Variants in MAP4 observed in about 807,000 individuals in gnomAD.
The protein encoded by MAP4 is microtubule-associated protein 4.
In MAP4, 76 loss-of-function variants were observed where a neutral mutation model predicts 170.2. The ratio of observed to expected loss-of-function variants is 0.45; its 90% confidence interval spans 0.37 to 0.54. The LOEUF is 0.54. Among genes scored for constraint, MAP4 ranks in the 20% least tolerant of loss-of-function variants. The pLI is 0.00. For missense variants in MAP4, 2,506 were observed against 2,748.0 expected (o/e 0.91, Z 1.97); for synonymous variants, 909 against 994.5 (o/e 0.91, Z 1.62).
chr3:48,073,516 C>A (rs972902553), intron 1 of MAP4, among the ~76,000 whole-genome samples: 1 of 151,398 alleles, frequency 6.6e-6, no homozygotes, highest in African/African-American at 2.4e-5. Context: ...GAGGCTGAGG[C>A]AGGAGAATCG....
intron 10 of MAP4, among the ~76,000 whole-genome samples, chr3:47,889,869 T>G (rs574621200): frequency 6.6e-6 from 1 of 151,988 alleles, no homozygotes; most frequent in East Asian, 1.9e-4. Context: ...CTATTAAGCT[T>G]CTTTGCCTCC....
intron 1 of MAP4, among the ~76,000 whole-genome samples, chr3:48,050,276 A>T (rs1461684171): frequency 6.9e-6 from 1 of 145,296 alleles, no homozygotes; most frequent in Non-Finnish European, 1.5e-5. Flanking sequence ...AAAAAAAAAT[A>T]GTAAAGTCAA....
At chr3:47,985,851 T>C (rs2100088320) in intron 2 of MAP4, among the ~76,000 whole-genome samples, 1 of 152,340 alleles carries the variant, frequency 6.6e-6, no homozygotes, top group South Asian at 2.1e-4. Context: ...GGACAACTGA[T>C]GACAATGAAA....
At chr3:48,037,608 T>G (rs2100119378) in intron 1 of MAP4, among the ~76,000 whole-genome samples, 6 of 152,016 alleles carry the variant, frequency 3.9e-5, no homozygotes, top group Admixed American at 3.9e-4. Context: ...TTGCCCAGGC[T>G]GGTCTCAAAC....
chr3:47,948,927 T>C (rs2100061880), intron 3 of MAP4, among the ~76,000 whole-genome samples: 1 of 152,102 alleles, frequency 6.6e-6, no homozygotes, highest in Non-Finnish European at 1.5e-5. Flanking sequence ...GGCCGATCAA[T>C]TTTCTTAAAC....
chr3:47,948,614 G>C (rs1048541962), intron 3 of MAP4, among the ~76,000 whole-genome samples: 1 of 151,358 alleles, frequency 6.6e-6, no homozygotes, highest in Non-Finnish European at 1.5e-5. Context: ...TCCATGCTCT[G>C]GCAGGTGATC....
chr3:48,083,506 C>T (rs1579915646), intron 1 of MAP4, among the ~76,000 whole-genome samples: 1 of 151,740 alleles, frequency 6.6e-6, no homozygotes, highest in Non-Finnish European at 1.5e-5. Flanking sequence ...GCTGGGATTA[C>T]AGGCGCCCGC....
intron 3 of MAP4, among the ~76,000 whole-genome samples, chr3:47,951,091 A>G (rs2100063438): frequency 1.3e-5 from 2 of 152,122 alleles, no homozygotes. Context: ...AACTTTATAA[A>G]CTGCTTTAAT....
intron 3 of MAP4, among the ~76,000 whole-genome samples, chr3:47,931,133 G>C (rs993647052): frequency 6.6e-6 from 1 of 151,970 alleles, no homozygotes. Flanking sequence ...CCAGTACTTC[G>C]GGAAGCTGAG....
At chr3:47,889,606 A>C (rs1379928868) in intron 10 of MAP4, among the ~76,000 whole-genome samples, 2 of 152,252 alleles carry the variant, frequency 1.3e-5, no homozygotes, top group Non-Finnish European at 2.9e-5. Context: ...TGGATTTGTC[A>C]GTCATCTGAA....
At chr3:48,026,900 G>A (rs900560731) in intron 1 of MAP4, among the ~76,000 whole-genome samples, 5 of 152,060 alleles carry the variant, frequency 3.3e-5, no homozygotes, top group African/African-American at 9.6e-5. Flanking sequence ...CCATCACCAC[G>A]ACTACCCCCC....
chr3:47,874,027 A>G (rs1425731387), intron 12 of MAP4, among the ~76,000 whole-genome samples: 1 of 152,204 alleles, frequency 6.6e-6, no homozygotes, highest in African/African-American at 2.4e-5. Context: ...AAATCTTTCT[A>G]CCAAAATAAG....
chr3:47,943,829 G>A (rs964925334), intron 3 of MAP4, among the ~76,000 whole-genome samples: 3 of 151,974 alleles, frequency 2.0e-5, no homozygotes, highest in African/African-American at 7.2e-5. Context: ...TGCTGGATGT[G>A]TCTCAGAGTG....
chr3:47,973,307 C>G (rs772605153), intron 3 of MAP4: 1 of 985,140 alleles, frequency 1.0e-6, no homozygotes, highest in Non-Finnish European at 1.2e-6. Flanking sequence ...ATATGAAAAT[C>G]ATCACATTTC....
intron 19 of MAP4, among the ~76,000 whole-genome samples, chr3:47,854,019 G>C (rs2049721556): frequency 6.6e-6 from 1 of 152,230 alleles, no homozygotes; most frequent in African/African-American, 2.4e-5. Flanking sequence ...GCTGCGAGAG[G>C]CCACTGGGGA....
At chr3:47,984,880 A>G (rs1435735071) in intron 2 of MAP4, among the ~76,000 whole-genome samples, 2 of 147,006 alleles carry the variant, frequency 1.4e-5, no homozygotes, top group South Asian at 2.2e-4. Context: ...GAGGCAGGAG[A>G]ATCACTTGAA....
At chr3:47,879,563 C>G (rs2096278268) in intron 10 of MAP4, among the ~76,000 whole-genome samples, 1 of 152,144 alleles carries the variant, frequency 6.6e-6, no homozygotes, top group East Asian at 1.9e-4. Context: ...AACCAAGAAA[C>G]AGAGACAACC....
intron 3 of MAP4, among the ~76,000 whole-genome samples, chr3:47,959,265 G>A (rs572572808): frequency 7.9e-5 from 12 of 152,068 alleles, no homozygotes; most frequent in East Asian, 1.9e-4. Flanking sequence ...TCAGGAGTTC[G>A]AGACTAGCCT....
At chr3:48,056,550 C>T (rs1183745520) in intron 1 of MAP4, among the ~76,000 whole-genome samples, 1 of 97,624 alleles carries the variant, frequency 1.0e-5, no homozygotes, top group Non-Finnish European at 1.9e-5. Flanking sequence ...CGCCTCTGCC[C>T]GGCCGCCCCT....
Sources: allele counts gnomAD v4.1 joint callset (sites outside exome capture counted in the v4.1 genomes callset), GRCh38; gene constraint gnomAD v4.1.1; transcripts MANE v1.5; gene names NCBI Gene and HGNC (gene_info 2026-07-23, HGNC 2026-07-21).